The following PRH1 variants were observed in gnomAD, a reference collection of about 807,000 sequenced individuals.
PRH1 encodes salivary acidic proline-rich phosphoprotein 1/2.
Under a neutral mutation model 7.9 loss-of-function variants are expected in PRH1, and 7 were observed. That is an observed-to-expected ratio of 0.89 (90% confidence interval 0.50 to 1.67). The LOEUF is 1.67. Ranked by LOEUF, PRH1 falls within the 40% of genes most tolerant of loss-of-function variation. The pLI is 0.00. For synonymous variants in PRH1, 45 were observed against 80.8 expected (o/e 0.56, Z 2.38); for missense variants, 109 against 223.6 (o/e 0.49, Z 3.27).
chr12:11,027,718 G>A (rs1276837305), intron 1 of PRH1, among the ~76,000 whole-genome samples: 1 of 151,868 alleles, frequency 6.6e-6, no homozygotes, highest in Non-Finnish European at 1.5e-5. Flanking sequence ...GATCCAGCAG[G>A]ATTCAAAGAT....
chr12:10,893,149 G>A (rs1591652873), intron 2 of PRH1, among the ~76,000 whole-genome samples: 1 of 152,168 alleles, frequency 6.6e-6, no homozygotes, highest in Non-Finnish European at 1.5e-5. Context: ...ATTCTGTTGT[G>A]AGGGACTGTC....
chr12:11,136,359 T>A (rs976652517), intron 1 of PRH1, among the ~76,000 whole-genome samples: 1 of 152,226 alleles, frequency 6.6e-6, no homozygotes, highest in African/African-American at 2.4e-5. Context: ...ATGGAATTAA[T>A]GTAATGATTC....
intron 2 of PRH1, among the ~76,000 whole-genome samples, chr12:10,949,890 T>C (rs1310680244): frequency 6.6e-6 from 1 of 152,102 alleles, no homozygotes; most frequent in Non-Finnish European, 1.5e-5. Context: ...TAATCACTTA[T>C]ATGTTTCGTT....
chr12:11,032,208 T>A (rs1169477229), intron 1 of PRH1, among the ~76,000 whole-genome samples: 2 of 152,238 alleles, frequency 1.3e-5, no homozygotes, highest in African/African-American at 2.4e-5. Flanking sequence ...TTGTGTAACC[T>A]CTCCATCATT....
At chr12:10,986,452 A>T in intron 1 of PRH1, 4 of 1,614,088 alleles carry the variant, frequency 2.5e-6, no homozygotes, top group Non-Finnish European at 3.4e-6. Context: ...AAAAATATCA[A>T]AGTCCCCAAC....
chr12:11,047,907 A>T (rs774040093), upstream of PRH1, among the ~76,000 whole-genome samples: 9 of 152,272 alleles, frequency 5.9e-5, no homozygotes, highest in Non-Finnish European at 1.0e-4. Flanking sequence ...TTAGAGGTTC[A>T]AACAATGATA....
chr12:11,093,462 T>C lies in PRH1; in HGVS notation n.124-46274A>G, dbSNP rs531442151. On this transcript the variant is annotated intron_variant and non_coding_transcript_variant, in intron 1 of 4. Coordinates refer to the PRH1 transcript ENST00000541977. ...TGTAATTTCCAAAATAAAAAATGAG[T>C]TTCCAAGAGGCTGTGCAGATGAAAT... Among the ~76,000 whole-genome samples, 72 of 115,652 alleles carry C rather than the reference T, an allele frequency of 6.2e-4. 18 individuals carry two copies. Among genetic ancestry groups the C allele is most frequent in the Non-Finnish European group, 6.1e-4 (30 of 48,870 alleles). The allele number at this position is 115,652 out of a possible 152,430, so 75.9% of individuals were successfully genotyped here. A position where few individuals can be genotyped will look rare whatever the true frequency, so the allele number is the denominator to read the frequency against.
chr12:11,049,431 T>A (rs192875227), upstream of PRH1, among the ~76,000 whole-genome samples: 376 of 152,398 alleles, frequency 2.5e-3, 1 homozygote, highest in Non-Finnish European at 1.9e-4. Context: ...TGCTAATGGA[T>A]GAATTCAAAG....
rs552480000 is a variant in PRH1 at position 10,896,854 on chromosome 12, G to T, written c.-58-12579C>A. On this transcript the variant is annotated intron_variant, in intron 2 of 3. Coordinates refer to the PRH1 transcript ENST00000539853. ...TTCTATTGATATCTTAGGAGTCTGT[G>T]TACTCTGTCCTTAAATCTAGAATGG... 24 of 151,906 alleles carry T rather than the reference G, an allele frequency of 1.6e-4. No homozygotes were observed. The East Asian group carries it at 3.9e-3, about 25-fold the overall frequency. 9.4% of individuals were successfully genotyped at this position (151,906 alleles called of 1,614,324 possible).
chr12:11,068,261 A>C (rs897677419), intron 1 of PRH1, among the ~76,000 whole-genome samples: 33 of 152,332 alleles, frequency 2.2e-4, no homozygotes, highest in African/African-American at 7.5e-4. Flanking sequence ...GTTTCACTGT[A>C]GAGTTTTATC....
chr12:10,892,261 A>G (rs1324173833), intron 2 of PRH1, among the ~76,000 whole-genome samples: 1 of 152,226 alleles, frequency 6.6e-6, no homozygotes, highest in Non-Finnish European at 1.5e-5. Context: ...TTTTTTCCCA[A>G]CATCCATTCC....
chr12:10,894,884 C>T (rs1010301315), intron 2 of PRH1: 1 of 152,050 alleles, frequency 6.6e-6, no homozygotes, highest in Non-Finnish European at 1.5e-5. Context: ...AAATGTGTAG[C>T]CCTCCTGTTC....
chr12:11,050,222 A>G (rs1360967451), upstream of PRH1, among the ~76,000 whole-genome samples: 1 of 152,188 alleles, frequency 6.6e-6, no homozygotes, highest in African/African-American at 2.4e-5. Context: ...ATTTACCCAC[A>G]TATTTATTGA....
upstream of PRH1, among the ~76,000 whole-genome samples, chr12:11,050,691 T>G (rs1426171946): frequency 6.6e-6 from 1 of 152,294 alleles, no homozygotes; most frequent in East Asian, 1.9e-4. Context: ...ACGCTACACT[T>G]TGTCATATAA....
intron 1 of PRH1, among the ~76,000 whole-genome samples, chr12:11,126,237 T>A (rs1946124101): frequency 1.3e-5 from 2 of 152,256 alleles, no homozygotes; most frequent in African/African-American, 2.4e-5. Flanking sequence ...CCTCCGTCCC[T>A]ACTGTGCCAG....
At chr12:10,908,725 T>C in intron 2 of PRH1, 17 of 1,613,840 alleles carry the variant, frequency 1.1e-5, no homozygotes, top group Non-Finnish European at 1.4e-5. Flanking sequence ...AAGGCCACAG[T>C]AAATGGTGTT....
At chr12:11,048,299 A>C (rs1942990813), upstream of PRH1, 1 of 227,464 alleles carries the variant, frequency 4.4e-6, no homozygotes, top group South Asian at 1.2e-4. Context: ...TTTTCAGCTA[A>C]AAGATACACA....
intron 2 of PRH1, among the ~76,000 whole-genome samples, chr12:10,918,228 G>A (rs1223203617): frequency 2.0e-5 from 3 of 152,086 alleles, no homozygotes; most frequent in Admixed American, 1.3e-4. Context: ...GGGGCAGGAC[G>A]GGGGTGGGAG....
intron 1 of PRH1, among the ~76,000 whole-genome samples, chr12:11,089,063 GA>G (rs1022029272): frequency 8.6e-6 from 1 of 116,154 alleles, no homozygotes; most frequent in African/African-American, 2.9e-5. Context: ...GCCATGACTG[GA>G]GGGTATGAGC....
Sources: allele counts gnomAD v4.1 joint callset (sites outside exome capture counted in the v4.1 genomes callset), GRCh38; gene constraint gnomAD v4.1.1; transcripts MANE v1.5; gene names NCBI Gene and HGNC (gene_info 2026-07-23, HGNC 2026-07-21).